The following KCNQ1 variants were observed in gnomAD, a reference collection of about 807,000 sequenced individuals.
KCNQ1 encodes the protein potassium voltage-gated channel subfamily Q member 1.
A neutral mutation model predicts 72.4 loss-of-function variants in KCNQ1; 49 were observed. That is an observed-to-expected ratio of 0.68 (90% CI 0.54 to 0.86). The LOEUF (loss-of-function observed/expected upper bound fraction) is 0.86. KCNQ1 is among the 40% of genes least tolerant of loss of function. The pLI is 0.00. For missense variants in KCNQ1, 790 were observed against 945.1 expected (o/e 0.84, Z 2.15); for synonymous variants, 450 against 412.6 (o/e 1.09, Z -1.10).
At chr11:2,510,088 A>C (rs1341338020) in intron 1 of KCNQ1, among the ~76,000 whole-genome samples, 1 of 151,250 alleles carries the variant, frequency 6.6e-6, no homozygotes, top group Non-Finnish European at 1.5e-5. Flanking sequence ...TGGGCAACAT[A>C]GCAAGACCCC....
Position 2,848,237 on chromosome 11 carries a change from C to A in KCNQ1, c.*234C>A. The A allele has an allele frequency of 1.5e-6, 1 of 651,294 alleles. No individual in the cohort carries two copies. The highest frequency in any genetic ancestry group is 2.8e-6 in the Non-Finnish European group (1 of 358,846). 40.3% of individuals were successfully genotyped at this position (651,294 alleles called of 1,614,324 possible). A position where few individuals can be genotyped will look rare whatever the true frequency, so the allele number is the denominator to read the frequency against. ...CCCCGTCTCAGGTCTGAGTTGTTACCCCAAGCGCCCTGGCCCCCACATGGT... is the reference window on the plus strand; with the variant it reads ...CCCCGTCTCAGGTCTGAGTTGTTACACCAAGCGCCCTGGCCCCCACATGGT... On this transcript the variant is annotated 3_prime_UTR_variant, in exon 16 of 16. Coordinates refer to ENST00000155840, the MANE Select transcript of KCNQ1 (RefSeq NM_000218.3).
chr11:2,521,370 T>C, intron 1 of KCNQ1: 1 of 377,274 alleles, frequency 2.7e-6, no homozygotes. Context: ...ACTGGCACTG[T>C]GTGTTATCCG....
rs1846506079 is a variant in KCNQ1, at chr11:2,766,798, T to G, written c.1515-2046T>G. Among the ~76,000 whole-genome samples, 1 of 152,238 alleles carries G rather than the reference T, an allele frequency of 6.6e-6. No individual in the cohort carries two copies. The highest frequency in any genetic ancestry group is 1.5e-5 in the Non-Finnish European group (1 of 68,040). ...AATGCTGTAAGTTTTAGGATATTGA[T>G]ATGACATTACCTATTTCTTAGTCCT... On this transcript the variant is annotated intron_variant, in intron 11 of 15. Transcript: ENST00000155840. This position sits in a 1 kb window ranked among gnomAD's most constrained non-coding sequence, Gnocchi z 4.4.
chr11:2,518,082 ATCAG>A (rs1243523895), intron 1 of KCNQ1, among the ~76,000 whole-genome samples: 3 of 152,242 alleles, frequency 2.0e-5, no homozygotes, highest in Non-Finnish European at 2.9e-5. Context: ...CATTCACACC[ATCAG>A]TCATTCAGCA....
rs199747946 is a variant in KCNQ1 at position 2,587,635 on chromosome 11, G to A, written c.1194G>A (p.Lys398=). The change falls in exon 9 of 16, where the codon AAG becomes AAA. Residue 398 remains lysine, a synonymous_variant. Coordinates refer to ENST00000155840, the MANE Select transcript of KCNQ1 (RefSeq NM_000218.3). Reference sequence around the variant, plus strand: ...CCACCTGGAAGATCTACATCCGGAAGGCCCCCCGGAGCCACACTCTGCTGT... The same window carrying A: ...CCACCTGGAAGATCTACATCCGGAAAGCCCCCCGGAGCCACACTCTGCTGT... ...DSSTWKIYIR[K]APRSHTLLSP... 6.2e-7 allele frequency: 1 copy of A among 1,613,982 alleles called. No individual in the cohort carries two copies. The highest frequency in any genetic ancestry group is 1.7e-5 in the Admixed American group (1 of 60,022).
At position 2,844,771 on chromosome 11, in the gene KCNQ1, C is replaced by T. The variant is rs537542522; in HGVS notation, c.1795-2996C>T. ...CACATGTGGGACTTGGACAGATGTT[C>T]GAGTGCCATAATGTGAAAATTTATG... On this transcript the variant is annotated intron_variant, in intron 15 of 15. Coordinates refer to ENST00000155840, the MANE Select transcript of KCNQ1 (RefSeq NM_000218.3). Among the ~76,000 whole-genome samples the T allele has an allele frequency of 2.5e-4, 38 of 152,324 alleles. No homozygotes were observed. In the South Asian group the frequency reaches 6.0e-3, roughly 24 times the overall value.
intron 2 of KCNQ1, among the ~76,000 whole-genome samples, chr11:2,560,745 G>T (rs1413707013): frequency 6.6e-6 from 1 of 152,116 alleles, no homozygotes; most frequent in Non-Finnish European, 1.5e-5. Context: ...GGCACAAGGT[G>T]GGTAGTGAGC....
rs1371523966 is a variant in KCNQ1, at chr11:2,530,898, C to T, written c.477+2880C>T. On this transcript the variant is annotated intron_variant, in intron 2 of 15. Coordinates refer to ENST00000155840, the MANE Select transcript of KCNQ1 (RefSeq NM_000218.3). ...GTTCATGCCTGTGCTGTGTGTGAGACGTGAGATCCTGCCTGTCCCATCCCT... is the reference window on the plus strand; with the variant it reads ...GTTCATGCCTGTGCTGTGTGTGAGATGTGAGATCCTGCCTGTCCCATCCCT... Among the ~76,000 whole-genome samples, 6 of 152,092 alleles carry T rather than the reference C, an allele frequency of 3.9e-5. No homozygotes were observed. The South Asian group carries it at 1.0e-3, about 26-fold the overall frequency.
intron 10 of KCNQ1, chr11:2,632,507 A>T (rs1849377569): frequency 7.5e-6 from 3 of 398,284 alleles, no homozygotes; most frequent in Non-Finnish European, 1.3e-5. Context: ...TTCTTCTAGG[A>T]GTCTTTTTCT....
At position 2,809,935 on chromosome 11, in the gene KCNQ1, T is replaced by TG. The variant is rs1847454052; in HGVS notation, c.1794+31902dup. On this transcript the variant is annotated intron_variant, in intron 15 of 15. Transcript: ENST00000155840. The surrounding 1 kb of genome is among the most constrained non-coding windows in gnomAD (Gnocchi z 7.1). Reference sequence around the variant, plus strand: ...CTTAATGCTCATTTCTTCAGTTTTCTGGGGAAGCCTCAGGGGCCTTACTGA... The same window carrying TG: ...CTTAATGCTCATTTCTTCAGTTTTCTGGGGGAAGCCTCAGGGGCCTTACTGA... Among the ~76,000 whole-genome samples, 1 of 152,196 alleles carries TG rather than the reference T, an allele frequency of 6.6e-6. No homozygotes were observed. The highest frequency in any genetic ancestry group is 1.5e-5 in the Non-Finnish European group (1 of 68,036).
Position 2,673,700 on chromosome 11 carries a change from T to A in KCNQ1, c.1514+11619T>A. On this transcript the variant is annotated intron_variant, in intron 11 of 15. Coordinates refer to ENST00000155840, the MANE Select transcript of KCNQ1 (RefSeq NM_000218.3). The surrounding 1 kb of genome is among the most constrained non-coding windows in gnomAD (Gnocchi z 4.5). ...TCCTATAAATGTTTAATTCCTGAGG[T>A]TGCTGAATCTCAGGGCTTGGAAGGC... 2.5e-6 allele frequency: 1 copy of A among 398,580 alleles called. No homozygotes were observed. Among genetic ancestry groups the A allele is most frequent in the East Asian group, 3.6e-5 (1 of 27,978 alleles). 24.7% of individuals were successfully genotyped at this position (398,580 alleles called of 1,614,324 possible).
chr11:2,652,295 C>T lies in KCNQ1; in HGVS notation c.1394-9666C>T, dbSNP rs1165275194. The T allele has an allele frequency of 7.5e-6, 3 of 398,528 alleles. No individual in the cohort carries two copies. The highest frequency in any genetic ancestry group is 8.8e-6 in the Non-Finnish European group (2 of 226,068). The allele number at this position is 398,528 out of a possible 1,614,324, so 24.7% of individuals were successfully genotyped here. A position where few individuals can be genotyped will look rare whatever the true frequency, so the allele number is the denominator to read the frequency against. On this transcript the variant is annotated intron_variant, in intron 10 of 15. Coordinates refer to ENST00000155840, the MANE Select transcript of KCNQ1 (RefSeq NM_000218.3). The surrounding 1 kb of genome is among the most constrained non-coding windows in gnomAD (Gnocchi z 5.9). ...CTGCACCGGTTTCCAAGGCTTCTCC[C>T]TCACTAATTGCTTTGATTATTGTGT...
At chr11:2,448,299 C>T (rs1267057865) in intron 1 of KCNQ1, among the ~76,000 whole-genome samples, 1 of 152,250 alleles carries the variant, frequency 6.6e-6, no homozygotes, top group African/African-American at 2.4e-5. Context: ...AAGTCTGGCT[C>T]AGCAGCCCCT....
intron 6 of KCNQ1, among the ~76,000 whole-genome samples, chr11:2,582,033 G>A (rs1253098035): frequency 6.6e-6 from 1 of 152,234 alleles, no homozygotes; most frequent in Non-Finnish European, 1.5e-5. Context: ...GGCCTGGGTG[G>A]CGGCCAGGGC....
intron 1 of KCNQ1, among the ~76,000 whole-genome samples, chr11:2,454,871 C>T (rs1450760000): frequency 6.6e-6 from 1 of 152,048 alleles, no homozygotes; most frequent in Non-Finnish European, 1.5e-5. Context: ...ACAAGGATGC[C>T]CACTTTCACC....
At chr11:2,700,032 G>T in intron 11 of KCNQ1, 1 of 398,202 alleles carries the variant, frequency 2.5e-6, no homozygotes, top group Non-Finnish European at 4.4e-6. Context: ...TGCCCCCGCC[G>T]CTGCCGACGT....
intron 10 of KCNQ1, chr11:2,610,820 T>C (rs1848969156): frequency 2.6e-6 from 1 of 390,324 alleles, no homozygotes; most frequent in Non-Finnish European, 4.5e-6. Flanking sequence ...CAGCTCCACA[T>C]TTGTCTCCCT....
intron 1 of KCNQ1, chr11:2,461,332 G>A: frequency 1.0e-6 from 1 of 988,532 alleles, no homozygotes; most frequent in Non-Finnish European, 1.3e-6. Context: ...TCTGGTTGCT[G>A]TCGTTCCTGA....
intron 2 of KCNQ1, among the ~76,000 whole-genome samples, chr11:2,548,891 G>A (rs1376230651): frequency 6.6e-6 from 1 of 152,232 alleles, no homozygotes; most frequent in Non-Finnish European, 1.5e-5. Context: ...GGGGTAAAGT[G>A]AGGACCTGTC....
Sources: allele counts gnomAD v4.1 joint callset (sites outside exome capture counted in the v4.1 genomes callset), GRCh38; gene constraint gnomAD v4.1.1; non-coding constraint Gnocchi (gnomAD v3.1); transcripts MANE v1.5; gene names NCBI Gene and HGNC (gene_info 2026-07-23, HGNC 2026-07-21).